The following PKD1L1 variants were observed in gnomAD, a reference collection of about 807,000 sequenced individuals.
PKD1L1 encodes polycystin 1 like 1, transient receptor potential channel interacting.
A neutral mutation model predicts 323.4 loss-of-function variants in PKD1L1; 236 were observed. That is an observed-to-expected ratio of 0.73 (90% CI 0.66 to 0.81). PKD1L1 has a LOEUF of 0.81. Ranked by LOEUF, PKD1L1 falls within the 40% of genes least tolerant of loss-of-function variation. The pLI, the probability that PKD1L1 is intolerant of heterozygous loss-of-function variation, is 0.00. For synonymous variants in PKD1L1, 1,344 were observed against 1,335.0 expected (o/e 1.01, Z -0.15); for missense variants, 3,320 against 3,508.0 (o/e 0.95, Z 1.35).
chr7:47,817,218 GA>G (rs1036508749), intron 46 of PKD1L1, among the ~76,000 whole-genome samples: 12 of 152,030 alleles, frequency 7.9e-5, no homozygotes, highest in African/African-American at 2.9e-4. Flanking sequence ...GTGACAGAGT[GA>G]GACTTCATCT....
chr7:47,780,352 C>T (rs1786664026), intron 56 of PKD1L1, among the ~76,000 whole-genome samples: 1 of 152,164 alleles, frequency 6.6e-6, no homozygotes, highest in South Asian at 2.1e-4. Flanking sequence ...GTTATATTGG[C>T]CTGGCGCTGT....
intron 56 of PKD1L1, among the ~76,000 whole-genome samples, chr7:47,776,759 A>C (rs1049987857): frequency 1.3e-5 from 2 of 152,268 alleles, no homozygotes; most frequent in African/African-American, 2.4e-5. Context: ...CACGCAATAA[A>C]TAGCACCATT....
chr7:47,913,179 C>G (rs1329323216), intron 8 of PKD1L1, among the ~76,000 whole-genome samples: 1 of 152,078 alleles, frequency 6.6e-6, no homozygotes, highest in Non-Finnish European at 1.5e-5. Flanking sequence ...CACTGTCGTT[C>G]CAACATAATG....
rs917926176 is a variant in PKD1L1 at position 47,929,945 on chromosome 7, C to T, written c.738-419G>A. On this transcript the variant is annotated intron_variant, in intron 6 of 56. Coordinates refer to ENST00000289672, the MANE Select transcript of PKD1L1 (RefSeq NM_138295.5). Reference sequence around the variant, plus strand: ...TCCTGTGTTTTTGCGAAAAGCTCCCCGTGAGGGTGGGTGCCACCCTTTCTA... The same window carrying T: ...TCCTGTGTTTTTGCGAAAAGCTCCCTGTGAGGGTGGGTGCCACCCTTTCTA... Among the ~76,000 whole-genome samples, 6 of 152,232 alleles carry T rather than the reference C, an allele frequency of 3.9e-5. No homozygotes were observed. The East Asian group carries it at 7.7e-4, about 20-fold the overall frequency.
chr7:47,841,056 A>C (rs750952458), intron 34 of PKD1L1, among the ~76,000 whole-genome samples: 2 of 151,704 alleles, frequency 1.3e-5, no homozygotes, highest in Non-Finnish European at 2.9e-5. Flanking sequence ...AACAATTCTG[A>C]TGTAATGTCA....
chr7:47,835,685 G>A (rs1310492668), intron 37 of PKD1L1, among the ~76,000 whole-genome samples: 1 of 152,128 alleles, frequency 6.6e-6, no homozygotes, highest in South Asian at 2.1e-4. Context: ...ACAGGCGTGA[G>A]CTACTGCGCC....
In PKD1L1 at chr7:47,788,577, A is replaced by ATAT. The variant is rs939251075; in HGVS notation, c.8526+4049_8526+4050insATA. On this transcript the variant is annotated intron_variant, in intron 56 of 56. Transcript: ENST00000289672. The stretch of plus-strand genomic sequence containing the variant: ...CCAGCCCAGTTATATATATATATAT[A>ATAT]TTTTTTTTTTTTAATTTTAATTTTA... Among the ~76,000 whole-genome samples the ATAT allele has an allele frequency of 8.2e-4, 113 of 138,070 alleles. 1 individual carries two copies. The highest frequency in any genetic ancestry group is 3.8e-3 in the Middle Eastern group (1 of 260). The allele number at this position is 138,070 out of a possible 152,430, so 90.6% of individuals were successfully genotyped here. A position where few individuals can be genotyped will look rare whatever the true frequency, so the allele number is the denominator to read the frequency against.
intron 13 of PKD1L1, among the ~76,000 whole-genome samples, chr7:47,901,327 C>CAAAAAAAA (rs71699736): frequency 6.4e-5 from 4 of 62,604 alleles, no homozygotes; most frequent in African/African-American, 9.9e-5. Flanking sequence ...AACAGAGTCT[C>CAAAAAAAA]AAAAAAAAAA....
At position 47,817,939 on chromosome 7, in the gene PKD1L1, C is replaced by G. The variant is rs901771912; in HGVS notation, c.6966-2482G>C. On this transcript the variant is annotated intron_variant, in intron 46 of 56. Coordinates refer to ENST00000289672, the MANE Select transcript of PKD1L1 (RefSeq NM_138295.5). ...TTAATTTATCTGACTGGTTTTATTT[C>G]TTTTTTCTTACGAAGAAATGATCTC... The G allele has an allele frequency of 3.1e-6, 3 of 982,354 alleles. No homozygotes were observed. In the African/African-American group the frequency reaches 5.2e-5, roughly 17 times the overall value. 60.9% of individuals were successfully genotyped at this position (982,354 alleles called of 1,614,324 possible). A position where few individuals can be genotyped will look rare whatever the true frequency, so the allele number is the denominator to read the frequency against.
At chr7:47,830,234 C>A in intron 42 of PKD1L1, 110 bp from the exon 43 acceptor site, 1 of 867,054 alleles carries the variant, frequency 1.2e-6, no homozygotes. Flanking sequence ...ATGGCCTCGC[C>A]GTGGCAGGAA....
intron 16 of PKD1L1, 72 bp from the exon 17 acceptor site, chr7:47,888,222 T>G: frequency 6.8e-7 from 1 of 1,466,530 alleles, no homozygotes; most frequent in Non-Finnish European, 9.4e-7. Flanking sequence ...TAATTCATGT[T>G]AGGCATGTTT....
chr7:47,778,110 A>G (rs1562925934), intron 56 of PKD1L1, among the ~76,000 whole-genome samples: 1 of 152,178 alleles, frequency 6.6e-6, no homozygotes, highest in Non-Finnish European at 1.5e-5. Context: ...GAGACACAAG[A>G]AGTACAAACA....
At chr7:47,917,554 AG>A (rs1480352521) in intron 7 of PKD1L1, among the ~76,000 whole-genome samples, 1 of 152,218 alleles carries the variant, frequency 6.6e-6, no homozygotes, top group Non-Finnish European at 1.5e-5. Context: ...GTTAAGATGA[AG>A]GAAAGAATCT....
Position 47,904,478 on chromosome 7 carries a change from C to CA in PKD1L1, c.1830dup (p.Glu611Ter). On this transcript the variant is annotated frameshift_variant, in exon 12 of 57. Transcript: ENST00000289672. LOFTEE classifies it high-confidence loss of function. ...TCTGTGCCGAAGTTGATCCAGCACT[C>CA]AAAGGCCACACTGGCATTTACCAGA... is the stretch of plus-strand genomic sequence containing the variant. 6.2e-7 allele frequency: 1 copy of CA among 1,614,200 alleles called. No homozygotes were observed. Among genetic ancestry groups the CA allele is most frequent in the Non-Finnish European group, 8.5e-7 (1 of 1,180,046 alleles).
Position 47,880,780 on chromosome 7 carries a change from G to C in PKD1L1, c.3468C>G (p.Ile1156Met). The change falls in exon 21 of 57, where the codon ATC (isoleucine) becomes ATG (methionine). Residue 1156 changes from isoleucine to methionine, a missense_variant. Transcript: ENST00000289672. ...CTCCACTGCTCAGAGAGTATGGCTT[G>C]ATTGTCACTGTCTGTTCTGTAATAC... ...SSGITEQTVT[I>M]KPYSLSSGET... The C allele has an allele frequency of 6.2e-7, 1 of 1,606,186 alleles. No individual in the cohort carries two copies. Among genetic ancestry groups the C allele is most frequent in the Admixed American group, 1.7e-5 (1 of 59,472 alleles).
intron 3 of PKD1L1, 91 bp downstream of exon 3, chr7:47,940,102 T>C (rs1787952701): frequency 6.6e-7 from 1 of 1,508,834 alleles, no homozygotes; most frequent in South Asian, 1.2e-5. Flanking sequence ...CCCTGATGAA[T>C]TCCTGATGAA....
intron 8 of PKD1L1, among the ~76,000 whole-genome samples, chr7:47,911,069 G>A (rs553943548): frequency 1.3e-5 from 2 of 152,172 alleles, no homozygotes; most frequent in Non-Finnish European, 1.5e-5. Context: ...CTAATGTGTC[G>A]AATTGTAATA....
At chr7:47,866,801 T>C (rs1030425691) in intron 24 of PKD1L1, among the ~76,000 whole-genome samples, 187 bp from the exon 25 acceptor site, 3 of 152,114 alleles carry the variant, frequency 2.0e-5, no homozygotes, top group Non-Finnish European at 4.4e-5. Flanking sequence ...TAAGTCATAA[T>C]ATAAAATTTT....
chr7:47,868,132 C>G (rs1266278277), intron 24 of PKD1L1, among the ~76,000 whole-genome samples: 2 of 152,158 alleles, frequency 1.3e-5, no homozygotes, highest in African/African-American at 4.8e-5. Context: ...CTTTGGGAGG[C>G]TGAGGCATGT....
Sources: gnomAD v4.1 joint callset for allele counts (sites outside exome capture counted in the v4.1 genomes callset) on GRCh38, gnomAD v4.1.1 for gene constraint, MANE v1.5 for transcripts, NCBI Gene and HGNC (gene_info 2026-07-23, HGNC 2026-07-21) for gene names.